Variants in PTPRK observed in about 807,000 individuals in gnomAD.
PTPRK encodes protein tyrosine phosphatase receptor type K.
In PTPRK, 75 loss-of-function variants were observed where a neutral mutation model predicts 178.0. The observed-to-expected ratio is 0.42, with a 90% CI of 0.35 to 0.51. The LOEUF (loss-of-function observed/expected upper bound fraction) is 0.51, where lower values mean the gene tolerates loss of function less well. Among genes scored for constraint, PTPRK ranks in the 20% least tolerant of loss-of-function variants. The pLI is 0.02. For synonymous variants in PTPRK, 637 were observed against 620.6 expected (o/e 1.03, Z -0.39); for missense variants, 1,441 against 1,797.8 (o/e 0.80, Z 3.59).
chr6:127,976,918 T>A lies in PTPRK; in HGVS notation c.3843+5A>T. 1 of 1,613,980 alleles carries A rather than the reference T, an allele frequency of 6.2e-7. No homozygotes were observed. Among genetic ancestry groups the A allele is most frequent in the Non-Finnish European group, 8.5e-7 (1 of 1,179,988 alleles). ...AGTACATAAAAGCAATCCATAGCCA[T>A]TAACCTGGGACAAGTCGACTTCGTT... On this transcript the variant is annotated splice_donor_5th_base_variant and intron_variant, in intron 26 of 29. Transcript: ENST00000368226.
intron 1 of PTPRK, among the ~76,000 whole-genome samples, chr6:128,479,589 A>C (rs894581298): frequency 4.6e-5 from 7 of 152,132 alleles, no homozygotes; most frequent in Non-Finnish European, 1.0e-4. Flanking sequence ...AAGAGGTTTC[A>C]CACATAGGTT....
At chr6:128,292,411 TAAC>T (rs1163316075) in intron 3 of PTPRK, among the ~76,000 whole-genome samples, 1 of 152,078 alleles carries the variant, frequency 6.6e-6, no homozygotes, top group African/African-American at 2.4e-5. Flanking sequence ...ATATATTAAA[TAAC>T]AATCCCATTG....
At chr6:128,458,293 C>T (rs1182662279) in intron 1 of PTPRK, among the ~76,000 whole-genome samples, 3 of 152,132 alleles carry the variant, frequency 2.0e-5, no homozygotes, top group African/African-American at 4.8e-5. Context: ...AAGAGTCAAT[C>T]ATCTGACAGG....
chr6:128,301,944 T>G (rs575414393), intron 3 of PTPRK, among the ~76,000 whole-genome samples: 53 of 152,338 alleles, frequency 3.5e-4, no homozygotes, highest in Non-Finnish European at 6.5e-4. Flanking sequence ...TTTAGGTAGA[T>G]TATTTTGTAG....
chr6:128,002,885 G>C (rs7744108), intron 15 of PTPRK, among the ~76,000 whole-genome samples: 93,198 of 151,670 alleles, frequency 0.61, 28,646 homozygotes, highest in Middle Eastern at 0.68. Context: ...ATTGCACCCT[G>C]AGATGTATGC....
chr6:128,252,007 G>A (rs1474741258), intron 3 of PTPRK, among the ~76,000 whole-genome samples: 3 of 152,092 alleles, frequency 2.0e-5, no homozygotes, highest in Non-Finnish European at 2.9e-5. Flanking sequence ...ACTGTGTTTT[G>A]CCTAATAAAC....
intron 13 of PTPRK, among the ~76,000 whole-genome samples, chr6:128,018,671 A>G (rs1452060578): frequency 1.3e-5 from 2 of 152,080 alleles, no homozygotes; most frequent in Non-Finnish European, 2.9e-5. Flanking sequence ...GTAAAGTGCT[A>G]AGGACAATAT....
At chr6:128,235,643 T>G (rs1411516985) in intron 5 of PTPRK, 1 of 470,284 alleles carries the variant, frequency 2.1e-6, no homozygotes, top group Admixed American at 2.3e-5. Context: ...ATTCATAGGT[T>G]TTAAATTGCA....
At position 127,969,381 on chromosome 6, in the gene PTPRK, CA is replaced by C. The variant is rs1194775357; in HGVS notation, c.*845del. 6.6e-6 allele frequency: 1 copy of C among 152,108 alleles called. No homozygotes were observed. The highest frequency in any genetic ancestry group is 1.5e-5 in the Non-Finnish European group (1 of 68,018). The allele number at this position is 152,108 out of a possible 1,614,324, so 9.4% of individuals were successfully genotyped here. A position where few individuals can be genotyped will look rare whatever the true frequency, so the allele number is the denominator to read the frequency against. ...GACCCAATTGCCAAGGGATTTTACA[CA>C]AATTTAATTCACAAGCATGTACACA... On this transcript the variant is annotated 3_prime_UTR_variant, in exon 30 of 30. Transcript: ENST00000368226.
In PTPRK at chr6:128,262,857, CAAA is replaced by C. The variant is rs747334195; in HGVS notation, c.496-20258_496-20256del. Among the ~76,000 whole-genome samples, 733 of 75,080 alleles carry C rather than the reference CAAA, an allele frequency of 9.8e-3. 12 individuals carry two copies. The highest frequency in any genetic ancestry group is 0.036 in the African/African-American group (699 of 19,688). 49.3% of individuals were successfully genotyped at this position (75,080 alleles called of 152,430 possible). ...TTTAGGTGGGTCCAAAACCAATAAC[CAAA>C]AAAAAAAAAAAAAAAGTCTAAGTGC... On this transcript the variant is annotated intron_variant, in intron 3 of 29. Coordinates refer to ENST00000368226, the MANE Select transcript of PTPRK (RefSeq NM_002844.4).
chr6:128,496,631 A>C (rs1458012303), intron 1 of PTPRK, among the ~76,000 whole-genome samples: 12 of 152,226 alleles, frequency 7.9e-5, no homozygotes. Flanking sequence ...TTGAAATCAT[A>C]TAATTTCTTT....
intron 1 of PTPRK, among the ~76,000 whole-genome samples, chr6:128,486,017 T>G (rs1486768911): frequency 6.6e-6 from 1 of 152,150 alleles, no homozygotes; most frequent in Non-Finnish European, 1.5e-5. Flanking sequence ...ACTGGCAGAG[T>G]TTACATTTGT....
intron 3 of PTPRK, among the ~76,000 whole-genome samples, chr6:128,287,117 C>T (rs968807097): frequency 6.6e-6 from 1 of 152,148 alleles, no homozygotes; most frequent in Admixed American, 6.5e-5. Context: ...TACAATGTCT[C>T]ACTGCCTCAG....
At chr6:128,332,454 C>T (rs1416517) in intron 2 of PTPRK, among the ~76,000 whole-genome samples, 124,365 of 152,158 alleles carry the variant, frequency 0.82, 53,301 homozygotes, top group East Asian at 1. Flanking sequence ...CACTGAGGTC[C>T]GGTGTGAGGA....
At chr6:128,212,185 C>T (rs1232105313) in intron 6 of PTPRK, among the ~76,000 whole-genome samples, 1 of 151,868 alleles carries the variant, frequency 6.6e-6, no homozygotes, top group Non-Finnish European at 1.5e-5. Context: ...TTCTACATTT[C>T]CTATAGAATT....
chr6:128,281,357 C>T (rs569699943), intron 3 of PTPRK, among the ~76,000 whole-genome samples: 12 of 152,164 alleles, frequency 7.9e-5, no homozygotes, highest in Non-Finnish European at 1.3e-4. Flanking sequence ...CTGTATCTTA[C>T]GCATATTTTA....
intron 3 of PTPRK, among the ~76,000 whole-genome samples, chr6:128,289,854 T>C (rs11965141): frequency 0.13 from 20,286 of 152,126 alleles, 2,185 homozygotes; most frequent in African/African-American, 0.3. Flanking sequence ...TGTCAAACAA[T>C]ATTATTAATT....
At chr6:128,386,369 G>A (rs565179371) in intron 2 of PTPRK, among the ~76,000 whole-genome samples, 13 of 152,266 alleles carry the variant, frequency 8.5e-5, no homozygotes, top group African/African-American at 2.6e-4. Context: ...GATACCTATA[G>A]AGCCCTCCCA....
chr6:128,199,094 G>A (rs1805440103), intron 6 of PTPRK, among the ~76,000 whole-genome samples: 2 of 152,120 alleles, frequency 1.3e-5, no homozygotes, highest in South Asian at 2.1e-4. Context: ...CATACCCTAT[G>A]ACCTAGCAAT....
Sources: gnomAD v4.1 joint callset for allele counts (sites outside exome capture counted in the v4.1 genomes callset) on GRCh38, gnomAD v4.1.1 for gene constraint, MANE v1.5 for transcripts, NCBI Gene and HGNC (gene_info 2026-07-23, HGNC 2026-07-21) for gene names.